CDKAL1: variants seen among roughly 807,000 people sequenced by gnomAD.
CDKAL1 encodes threonylcarbamoyladenosine tRNA methylthiotransferase.
A neutral mutation model predicts 68.2 loss-of-function variants in CDKAL1; 32 were observed. The ratio of observed to expected loss-of-function variants is 0.47; its 90% CI spans 0.35 to 0.63. The LOEUF (loss-of-function observed/expected upper bound fraction) is 0.63. CDKAL1 is among the 30% of genes least tolerant of loss of function. The pLI is 0.00. For missense variants in CDKAL1, 606 were observed against 696.7 expected (o/e 0.87, Z 1.47); for synonymous variants, 234 against 244.3 (o/e 0.96, Z 0.39).
intron 13 of CDKAL1, among the ~76,000 whole-genome samples, chr6:21,144,598 A>G (rs1776072303): frequency 6.6e-6 from 1 of 151,324 alleles, no homozygotes; most frequent in Admixed American, 6.6e-5. Flanking sequence ...CAGCCTGGGA[A>G]ACATGGTGAA....
At chr6:20,561,121 T>C (rs1390102931) in intron 4 of CDKAL1, among the ~76,000 whole-genome samples, 1 of 152,108 alleles carries the variant, frequency 6.6e-6, no homozygotes, top group African/African-American at 2.4e-5. Flanking sequence ...CTTTGACATG[T>C]CAGAGACACT....
intron 6 of CDKAL1, among the ~76,000 whole-genome samples, chr6:20,746,356 A>G: frequency 6.6e-6 from 1 of 152,238 alleles, no homozygotes; most frequent in East Asian, 1.9e-4. Flanking sequence ...GAGATTAAAG[A>G]TGAAAATATA....
intron 4 of CDKAL1, among the ~76,000 whole-genome samples, chr6:20,563,907 TTATC>T (rs1250426253): frequency 6.6e-6 from 1 of 152,196 alleles, no homozygotes; most frequent in Admixed American, 6.5e-5. Flanking sequence ...ACTTGGCTCA[TTATC>T]TAAGCTTAAT....
intron 5 of CDKAL1, among the ~76,000 whole-genome samples, chr6:20,653,195 C>T (rs1008862382): frequency 2.6e-5 from 4 of 152,000 alleles, no homozygotes; most frequent in African/African-American, 4.8e-5. Flanking sequence ...ACATGTTTTC[C>T]GGTGCACATG....
chr6:20,541,801 C>T (rs1763399277), intron 2 of CDKAL1, among the ~76,000 whole-genome samples: 1 of 152,166 alleles, frequency 6.6e-6, no homozygotes, highest in South Asian at 2.1e-4. Context: ...GCTGGGATTA[C>T]AGGCATGTGC....
intron 7 of CDKAL1, among the ~76,000 whole-genome samples, chr6:20,776,678 C>T (rs1028129908): frequency 2.6e-5 from 4 of 152,074 alleles, no homozygotes; most frequent in Non-Finnish European, 4.4e-5. Context: ...GTCAACAAAC[C>T]TTCTCAAAAG....
At chr6:21,039,041 C>T (rs1253741656) in intron 11 of CDKAL1, among the ~76,000 whole-genome samples, 2 of 152,152 alleles carry the variant, frequency 1.3e-5, no homozygotes, top group African/African-American at 4.8e-5. Context: ...TTGTGTAAGT[C>T]AGGGGTCCCC....
At chr6:20,569,426 TTCTTCCTGAC>T (rs1248956397) in intron 4 of CDKAL1, among the ~76,000 whole-genome samples, 1 of 152,216 alleles carries the variant, frequency 6.6e-6, no homozygotes, top group Non-Finnish European at 1.5e-5. Flanking sequence ...TGTTGAGTAT[TTCTTCCTGAC>T]TCATCATCCC....
intron 11 of CDKAL1, among the ~76,000 whole-genome samples, chr6:21,039,337 C>T (rs1043289422): frequency 1.1e-4 from 16 of 152,132 alleles, no homozygotes; most frequent in African/African-American, 3.6e-4. Context: ...TCCAGGAGAC[C>T]GATTCCTGGT....
chr6:21,154,453 T>A (rs564133836), intron 13 of CDKAL1, among the ~76,000 whole-genome samples: 4 of 152,218 alleles, frequency 2.6e-5, no homozygotes, highest in Non-Finnish European at 4.4e-5. Flanking sequence ...TATGTCATCA[T>A]GTATTTTCAA....
chr6:20,656,730 A>AT (rs578045978), intron 5 of CDKAL1, among the ~76,000 whole-genome samples: 96 of 152,220 alleles, frequency 6.3e-4, no homozygotes, highest in Non-Finnish European at 1.1e-3. Context: ...TGTTATTAAT[A>AT]TGGTTCAAAG....
intron 12 of CDKAL1, among the ~76,000 whole-genome samples, chr6:21,088,930 A>C (rs893982438): frequency 1.7e-4 from 26 of 152,208 alleles, no homozygotes; most frequent in Non-Finnish European, 3.1e-4. Context: ...CAACAGAGCA[A>C]GACTCCATCT....
intron 11 of CDKAL1, among the ~76,000 whole-genome samples, chr6:21,045,993 G>A (rs1770207984): frequency 6.6e-6 from 1 of 152,156 alleles, no homozygotes; most frequent in African/African-American, 2.4e-5. Context: ...CAGACAGGAA[G>A]GATTCAGATC....
At chr6:20,757,185 T>G (rs776536524) in intron 6 of CDKAL1, among the ~76,000 whole-genome samples, 7 of 152,016 alleles carry the variant, frequency 4.6e-5, no homozygotes, top group African/African-American at 9.7e-5. Context: ...TGCCCCCTCC[T>G]AGGCCTCCCA....
intron 15 of CDKAL1, among the ~76,000 whole-genome samples, chr6:21,217,842 CA>C (rs1779399133): frequency 6.6e-6 from 1 of 152,166 alleles, no homozygotes; most frequent in African/African-American, 2.4e-5. Flanking sequence ...AGGTTGGTCT[CA>C]AACTCCTCGC....
At chr6:21,059,213 T>A (rs2150923844) in intron 11 of CDKAL1, among the ~76,000 whole-genome samples, 1 of 152,332 alleles carries the variant, frequency 6.6e-6, no homozygotes, top group South Asian at 2.1e-4. Flanking sequence ...GCCACTGTGC[T>A]GCATTGTGGG....
intron 3 of CDKAL1, among the ~76,000 whole-genome samples, 154 bp from the exon 4 acceptor site, chr6:20,548,439 G>A (rs1358033702): frequency 6.6e-6 from 1 of 151,866 alleles, no homozygotes; most frequent in Non-Finnish European, 1.5e-5. Context: ...AGGCTGAGAT[G>A]GGAGGATCCC....
intron 4 of CDKAL1, among the ~76,000 whole-genome samples, chr6:20,592,878 AG>A (rs1312581649): frequency 9.9e-5 from 15 of 152,132 alleles, no homozygotes; most frequent in African/African-American, 3.4e-4. Context: ...TTTAGCATGA[AG>A]GGGTGTTGAA....
At chr6:20,870,300 T>C (rs982174318) in intron 9 of CDKAL1, among the ~76,000 whole-genome samples, 2 of 152,222 alleles carry the variant, frequency 1.3e-5, no homozygotes, top group African/African-American at 4.8e-5. Context: ...CATGAGAGGA[T>C]AGATTTATAA....
Sources: gnomAD v4.1 joint callset for allele counts (sites outside exome capture counted in the v4.1 genomes callset) on GRCh38, gnomAD v4.1.1 for gene constraint, MANE v1.5 for transcripts, NCBI Gene and HGNC (gene_info 2026-07-23, HGNC 2026-07-21) for gene names.